The following CUX1 variants were observed in gnomAD, a reference collection of about 807,000 sequenced individuals.
CUX1 encodes the protein protein CASP.
Under a neutral mutation model 158.8 loss-of-function variants are expected in CUX1, and 31 were observed. That is an observed-to-expected ratio of 0.20 (90% confidence interval 0.15 to 0.26). The LOEUF (loss-of-function observed/expected upper bound fraction) is 0.26. Ranked by LOEUF, CUX1 falls within the 10% of genes least tolerant of loss-of-function variation. The pLI is 1.00. For synonymous variants in CUX1, 879 were observed against 862.1 expected, an observed-to-expected ratio of 1.02 and a Z score of -0.34; for missense variants, 1,589 against 2,014.6, an observed-to-expected ratio of 0.79 and a Z score of 4.04.
At chr7:102,206,278 G>A (rs1563407560) in intron 20 of CUX1, among the ~76,000 whole-genome samples, 1 of 152,172 alleles carries the variant, frequency 6.6e-6, no homozygotes, top group East Asian at 1.9e-4. Context: ...TCGAGAGGCT[G>A]CATCTCACCC....
intron 18 of CUX1, among the ~76,000 whole-genome samples, chr7:102,203,874 C>A (rs1017107875): frequency 2.6e-5 from 4 of 152,192 alleles, no homozygotes; most frequent in African/African-American, 9.7e-5. Flanking sequence ...CTCTGGGCCC[C>A]CACCTTTGAT....
chr7:101,976,368 T>C (rs1462206195), intron 2 of CUX1, among the ~76,000 whole-genome samples: 4 of 152,198 alleles, frequency 2.6e-5, no homozygotes, highest in African/African-American at 9.6e-5. Context: ...ATTTTCCCAA[T>C]GCAATATTCC....
intron 23 of CUX1, among the ~76,000 whole-genome samples, chr7:102,246,267 G>A (rs1800802370): frequency 6.6e-6 from 1 of 152,160 alleles, no homozygotes; most frequent in African/African-American, 2.4e-5. Flanking sequence ...CCAGGAACCT[G>A]TTCACAGAAG....
At chr7:102,169,315 C>T (rs916947822) in intron 9 of CUX1, among the ~76,000 whole-genome samples, 2 of 151,988 alleles carry the variant, frequency 1.3e-5, no homozygotes, top group East Asian at 1.9e-4. Flanking sequence ...ATGATCCACC[C>T]GCCTCGGCTT....
At chr7:101,985,123 T>C (rs996553409) in intron 2 of CUX1, among the ~76,000 whole-genome samples, 6 of 152,240 alleles carry the variant, frequency 3.9e-5, no homozygotes, top group African/African-American at 1.4e-4. Flanking sequence ...ATGTTTTATG[T>C]TGAACGCTAG....
chr7:102,213,679 CT>C (rs1796770041), intron 20 of CUX1, among the ~76,000 whole-genome samples: 1 of 152,172 alleles, frequency 6.6e-6, no homozygotes, highest in Non-Finnish European at 1.5e-5. Flanking sequence ...CAAATGAGGA[CT>C]TCAGTTTTCA....
rs782118660 is a variant in CUX1, at chr7:102,199,977, A to C, written c.1961-94A>C. On this transcript the variant is annotated intron_variant, in intron 16 of 23. Coordinates refer to ENST00000292535, the MANE Select transcript of CUX1 (RefSeq NM_181552.4). ...CTGCCTCCTTGTGTCACCAGCCCCC[A>C]CCCGGGGCTATATATCAGAATGACG... 1.1e-5 allele frequency: 11 copies of C among 1,002,710 alleles called. No individual in the cohort carries two copies. In the Admixed American group the frequency reaches 1.1e-4, roughly 10 times the overall value. 62.1% of individuals were successfully genotyped at this position (1,002,710 alleles called of 1,614,324 possible).
intron 8 of CUX1, among the ~76,000 whole-genome samples, chr7:102,134,098 G>A (rs1180924708): frequency 2.0e-5 from 3 of 152,158 alleles, no homozygotes; most frequent in Non-Finnish European, 4.4e-5. Context: ...ACCTTGAGAG[G>A]CCAAGGTGGG....
chr7:102,271,333 T>A (rs1554546200), intron 14 of CUX1, among the ~76,000 whole-genome samples: 1 of 152,072 alleles, frequency 6.6e-6, no homozygotes, highest in African/African-American at 2.4e-5. Flanking sequence ...AACTGAAGCA[T>A]CCCCTCCCTT....
At chr7:101,896,136 C>T (rs983738785) in intron 1 of CUX1, among the ~76,000 whole-genome samples, 11 of 151,850 alleles carry the variant, frequency 7.2e-5, no homozygotes, top group Non-Finnish European at 7.4e-5. Context: ...TGAAGCAATC[C>T]GCCCACCTCA....
intron 1 of CUX1, among the ~76,000 whole-genome samples, chr7:101,872,484 A>T (rs1271438354): frequency 6.6e-6 from 1 of 151,422 alleles, no homozygotes; most frequent in Non-Finnish European, 1.5e-5. Flanking sequence ...ATTATTTTGG[A>T]GGTGGAGAGG....
Position 102,201,177 on chromosome 7 carries a change from C to A in CUX1, c.2063-183C>A, listed in dbSNP as rs564070739. ...CAGGTCATCAAGCTGTAGTGTCAGG[C>A]CCTGGTCCTTGGTTGAGACAAGATG... is the stretch of plus-strand genomic sequence containing the variant. On this transcript the variant is annotated intron_variant, in intron 17 of 23. Coordinates refer to ENST00000292535, the MANE Select transcript of CUX1 (RefSeq NM_181552.4). The surrounding 1 kb of genome is among the most constrained non-coding windows in gnomAD (Gnocchi z 5.0). Among the ~76,000 whole-genome samples the A allele has an allele frequency of 6.6e-6, 1 of 152,110 alleles. No individual in the cohort carries two copies. Among genetic ancestry groups the A allele is most frequent in the African/African-American group, 2.4e-5 (1 of 41,498 alleles).
At chr7:101,941,721 G>A (rs148020165) in intron 2 of CUX1, among the ~76,000 whole-genome samples, 196 of 152,320 alleles carry the variant, frequency 1.3e-3, no homozygotes, top group African/African-American at 4.5e-3. Flanking sequence ...CAGATCAGGA[G>A]CGAAGGCTTT....
At chr7:102,230,661 T>A (rs1554530349) in intron 21 of CUX1, among the ~76,000 whole-genome samples, 1 of 152,048 alleles carries the variant, frequency 6.6e-6, no homozygotes, top group Non-Finnish European at 1.5e-5. Flanking sequence ...AATGAGACCT[T>A]ATATAATTAA....
At chr7:102,273,756 G>A (rs1004816128) in intron 15 of CUX1, among the ~76,000 whole-genome samples, 1 of 152,266 alleles carries the variant, frequency 6.6e-6, no homozygotes, top group African/African-American at 2.4e-5. Flanking sequence ...ACTGCCCTGA[G>A]AGCAGAGGCA....
At chr7:102,176,949 T>C (rs1238288344) in intron 10 of CUX1, among the ~76,000 whole-genome samples, 2 of 52,452 alleles carry the variant, frequency 3.8e-5, no homozygotes. Context: ...GACTTTTTCC[T>C]TTTTTTTTTT....
intron 3 of CUX1, among the ~76,000 whole-genome samples, chr7:102,031,347 G>A (rs1820765797): frequency 6.6e-6 from 1 of 152,212 alleles, no homozygotes; most frequent in South Asian, 2.1e-4. Flanking sequence ...ACAGGCATGA[G>A]CCACCGCGCC....
At position 102,257,287 on chromosome 7, in the gene CUX1, T is replaced by TC; in HGVS notation, c.*8249dup. 1.0e-6 allele frequency: 1 copy of TC among 983,280 alleles called. No individual in the cohort carries two copies. 60.9% of individuals were successfully genotyped at this position (983,280 alleles called of 1,614,324 possible). A position where few individuals can be genotyped will look rare whatever the true frequency, so the allele number is the denominator to read the frequency against. On this transcript the variant is annotated 3_prime_UTR_variant, in exon 24 of 24. Coordinates refer to ENST00000292535, the MANE Select transcript of CUX1 (RefSeq NM_181552.4). ...AAGAAACCCTCCACCGAAACAATGG[T>TC]CCCCATCTCCCCAGAAGCCTTTTTT...
At chr7:102,036,761 CAAAA>C (rs35844490) in intron 3 of CUX1, among the ~76,000 whole-genome samples, 14 of 115,914 alleles carry the variant, frequency 1.2e-4, no homozygotes, top group Admixed American at 5.9e-4. Flanking sequence ...AGCAAACAAA[CAAAA>C]AAAAAAAAAA....
Sources: gnomAD v4.1 joint callset for allele counts (sites outside exome capture counted in the v4.1 genomes callset) on GRCh38, gnomAD v4.1.1 for gene constraint, Gnocchi (gnomAD v3.1) non-coding constraint, MANE v1.5 for transcripts, NCBI Gene and HGNC (gene_info 2026-07-23, HGNC 2026-07-21) for gene names.